TRIP12: variants seen among roughly 807,000 people sequenced by gnomAD.
TRIP12 encodes E3 ubiquitin-protein ligase TRIP12.
Under a neutral mutation model 244.2 loss-of-function variants are expected in TRIP12, and 25 were observed. The observed-to-expected ratio is 0.10, with a 90% CI of 0.07 to 0.14. TRIP12 has a LOEUF of 0.14. TRIP12 is among the 10% of genes least tolerant of loss of function. The pLI, the probability that TRIP12 is intolerant of heterozygous loss-of-function variation, is 1.00. For missense variants in TRIP12, 1,677 were observed against 2,486.4 expected, an observed-to-expected ratio of 0.67 and a Z score of 6.92; for synonymous variants, 905 against 873.1, an observed-to-expected ratio of 1.04 and a Z score of -0.64.
At chr2:229,808,499 TA>T in intron 15 of TRIP12, 130 bp from the exon 16 acceptor site, 1 of 647,828 alleles carries the variant, frequency 1.5e-6, no homozygotes, top group Admixed American at 2.9e-5. Context: ...ATGCAGAAAT[TA>T]ATGTAAAAAA....
At chr2:229,790,087 A>G (rs1343444693) in intron 30 of TRIP12, among the ~76,000 whole-genome samples, 1 of 152,216 alleles carries the variant, frequency 6.6e-6, no homozygotes, top group East Asian at 1.9e-4. Context: ...AACTGTTTAA[A>G]TTTAAGTTCA....
intron 5 of TRIP12, among the ~76,000 whole-genome samples, chr2:229,837,868 G>A (rs1199404413): frequency 6.6e-6 from 1 of 152,066 alleles, no homozygotes; most frequent in Non-Finnish European, 1.5e-5. Flanking sequence ...GAAAAAGAAT[G>A]ACCACTTATT....
chr2:229,827,897 C>A (rs1427254382), intron 8 of TRIP12, among the ~76,000 whole-genome samples: 1 of 152,088 alleles, frequency 6.6e-6, no homozygotes, highest in African/African-American at 2.4e-5. Flanking sequence ...CAAGACAATT[C>A]TTCTTCTTCC....
chr2:229,863,900 A>G (rs1273568401), intron 2 of TRIP12, among the ~76,000 whole-genome samples: 3 of 152,194 alleles, frequency 2.0e-5, no homozygotes, highest in Non-Finnish European at 2.9e-5. Flanking sequence ...TATATCCACT[A>G]TAAATAAAAT....
At chr2:229,826,623 T>C (rs935056031) in intron 8 of TRIP12, among the ~76,000 whole-genome samples, 2 of 152,154 alleles carry the variant, frequency 1.3e-5, no homozygotes, top group African/African-American at 4.8e-5. Context: ...CATCATAGAG[T>C]ATACCTAAAC....
rs1214954819 is a variant in TRIP12, at chr2:229,802,408, C to T, written c.3050G>A (p.Ser1017Asn). ...TCCATTCGTACATGCCTTTGGTGGACTTGTCAACAAAGACTCTGATTCTGC... is the reference window on the plus strand; with the variant it reads ...TCCATTCGTACATGCCTTTGGTGGATTTGTCAACAAAGACTCTGATTCTGC... ...HLAESESLLT[S>N]PPKACTNGSG... is the part of the protein sequence containing the mutation. The change falls in exon 21 of 42, where the codon AGT becomes AAT. Residue 1017 changes from serine (S) to asparagine (N), a missense_variant. By Grantham distance (46) the Ser-to-Asn change is conservative (BLOSUM62 1). Transcript: ENST00000675903. 1 of 1,614,008 alleles carries T rather than the reference C, an allele frequency of 6.2e-7. No homozygotes were observed. Among genetic ancestry groups the T allele is most frequent in the Non-Finnish European group, 8.5e-7 (1 of 1,179,958 alleles).
chr2:229,779,803 G>A (rs1316303765), intron 34 of TRIP12, among the ~76,000 whole-genome samples: 1 of 152,184 alleles, frequency 6.6e-6, no homozygotes, highest in Non-Finnish European at 1.5e-5. Context: ...TGACTGTGCA[G>A]CCTAAAGTGA....
At chr2:229,886,404 T>G (rs948747071) in intron 1 of TRIP12, among the ~76,000 whole-genome samples, 1 of 152,122 alleles carries the variant, frequency 6.6e-6, no homozygotes, top group Non-Finnish European at 1.5e-5. Flanking sequence ...CTGAATGCAA[T>G]TTATGGGCAT....
intron 1 of TRIP12, among the ~76,000 whole-genome samples, chr2:229,905,665 A>G (rs1427805642): frequency 6.6e-6 from 1 of 152,242 alleles, no homozygotes; most frequent in East Asian, 1.9e-4. Flanking sequence ...AAGCCACATA[A>G]TGCAAGCCTT....
chr2:229,849,046 T>G (rs1039319298), intron 4 of TRIP12, among the ~76,000 whole-genome samples: 2 of 151,594 alleles, frequency 1.3e-5, no homozygotes, highest in African/African-American at 4.9e-5. Context: ...CTGAAGAAAA[T>G]CCCAAGGCTG....
intron 23 of TRIP12, among the ~76,000 whole-genome samples, chr2:229,798,179 C>T (rs185926288): frequency 2.6e-5 from 4 of 152,232 alleles, no homozygotes; most frequent in Admixed American, 6.5e-5. Flanking sequence ...TCCTGGAGAG[C>T]TGAAGTAAAG....
At chr2:229,866,290 T>G (rs553528291) in intron 2 of TRIP12, among the ~76,000 whole-genome samples, 2 of 152,356 alleles carry the variant, frequency 1.3e-5, no homozygotes, top group African/African-American at 4.8e-5. Context: ...GGCACCGTTT[T>G]TAATGCCTAT....
chr2:229,867,089 CAT>C (rs1235918090), intron 2 of TRIP12, among the ~76,000 whole-genome samples: 9 of 138,156 alleles, frequency 6.5e-5, no homozygotes, highest in African/African-American at 1.0e-4. Context: ...TACACACACA[CAT>C]AGAGGGTTTT....
At chr2:229,807,313 AC>A (rs2046129739) in intron 17 of TRIP12, 1 of 217,246 alleles carries the variant, frequency 4.6e-6, no homozygotes. Context: ...ATTTGTTTCC[AC>A]GTTTCTGCTC....
chr2:229,866,551 A>C (rs1428839758), intron 2 of TRIP12, among the ~76,000 whole-genome samples: 1 of 152,222 alleles, frequency 6.6e-6, no homozygotes, highest in Non-Finnish European at 1.5e-5. Context: ...AAAGAGCATA[A>C]TAAAAATATT....
chr2:229,802,516 C>T (rs1177312982), intron 20 of TRIP12, 57 bp from the exon 21 acceptor site: 3 of 1,331,520 alleles, frequency 2.3e-6, no homozygotes, highest in Non-Finnish European at 3.1e-6. Flanking sequence ...GAACCTTCTC[C>T]CCACCATTAC....
At chr2:229,886,043 T>C (rs2154358246) in intron 1 of TRIP12, among the ~76,000 whole-genome samples, 1 of 152,248 alleles carries the variant, frequency 6.6e-6, no homozygotes, top group Admixed American at 6.5e-5. Flanking sequence ...ATCAGGTCCA[T>C]CATGTGCCAG....
rs748015041 is a variant in TRIP12, at chr2:229,858,959, G to C, written c.840C>G (p.Ser280=). ...QNKARRSRSA[S]SPSPRRSSRE... ...TGCTACTTCTTCTGGGGCTGGGACTGGACGCTGAACGGGAACGCCTGGCCT... is the reference window on the plus strand; with the variant it reads ...TGCTACTTCTTCTGGGGCTGGGACTCGACGCTGAACGGGAACGCCTGGCCT... Residue 280 remains serine, a synonymous_variant, in exon 4 of 42, where the codon TCC becomes TCG. Transcript: ENST00000675903. 1.2e-6 allele frequency: 2 copies of C among 1,614,184 alleles called. No individual in the cohort carries two copies. Among genetic ancestry groups the C allele is most frequent in the Non-Finnish European group, 1.7e-6 (2 of 1,180,030 alleles).
At chr2:229,787,996 T>C (rs941258947) in intron 32 of TRIP12, among the ~76,000 whole-genome samples, 9 of 152,082 alleles carry the variant, frequency 5.9e-5, no homozygotes, top group African/African-American at 2.2e-4. Context: ...AGAGACGGGG[T>C]TTCACCATGT....
Sources: allele counts gnomAD v4.1 joint callset (sites outside exome capture counted in the v4.1 genomes callset), GRCh38; gene constraint gnomAD v4.1.1; transcripts MANE v1.5; gene names NCBI Gene and HGNC (gene_info 2026-07-23, HGNC 2026-07-21).